Variants in DLGAP2 observed in about 807,000 individuals in gnomAD.
DLGAP2 encodes the protein disks large-associated protein 2.
In DLGAP2, 26 loss-of-function variants were observed where a neutral mutation model predicts 100.3. The ratio of observed to expected loss-of-function variants is 0.26; its 90% confidence interval spans 0.19 to 0.36. The LOEUF (loss-of-function observed/expected upper bound fraction) is 0.36. Ranked by LOEUF, DLGAP2 falls within the 10% of genes least tolerant of loss-of-function variation. The pLI is 1.00. For synonymous variants in DLGAP2, 886 were observed against 630.1 expected, an observed-to-expected ratio of 1.41 and a Z score of -6.08; for missense variants, 1,858 against 1,453.2, an observed-to-expected ratio of 1.28 and a Z score of -4.53.
chr8:1,033,959 C>T (rs577367267), intron 2 of DLGAP2, among the ~76,000 whole-genome samples: 1 of 126,126 alleles, frequency 7.9e-6, no homozygotes, highest in East Asian at 2.7e-4. Context: ...ACGCTCATCC[C>T]GACCCCGCGT....
intron 3 of DLGAP2, among the ~76,000 whole-genome samples, chr8:1,422,420 C>T (rs1333010747): frequency 3.3e-5 from 5 of 152,056 alleles, no homozygotes; most frequent in South Asian, 4.1e-4. Flanking sequence ...GGGAGAAAAG[C>T]GAAGATGGCC....
intron 1 of DLGAP2, among the ~76,000 whole-genome samples, chr8:862,974 G>A (rs1035516978): frequency 6.6e-6 from 1 of 152,226 alleles, no homozygotes; most frequent in Non-Finnish European, 1.5e-5. Context: ...ATCTGAGTCA[G>A]TTTGTGTCTC....
chr8:906,200 T>C (rs1279925179), intron 1 of DLGAP2, among the ~76,000 whole-genome samples: 1 of 152,236 alleles, frequency 6.6e-6, no homozygotes, highest in Admixed American at 6.5e-5. Flanking sequence ...AGGTGGTGTC[T>C]GCAGCTGACT....
At chr8:1,506,835 C>A (rs1040465368) in intron 4 of DLGAP2, among the ~76,000 whole-genome samples, 2 of 152,080 alleles carry the variant, frequency 1.3e-5, no homozygotes, top group Non-Finnish European at 2.9e-5. Flanking sequence ...TTTTCCAAGT[C>A]CCCACTAGAT....
At chr8:1,053,317 G>A (rs948701979) in intron 2 of DLGAP2, among the ~76,000 whole-genome samples, 1 of 152,060 alleles carries the variant, frequency 6.6e-6, no homozygotes, top group Non-Finnish European at 1.5e-5. Flanking sequence ...TTCATAAGAT[G>A]GTTATAAAGT....
chr8:863,699 G>C (rs78883513), intron 1 of DLGAP2, among the ~76,000 whole-genome samples: 16,351 of 152,230 alleles, frequency 0.11, 1,306 homozygotes, highest in Admixed American at 0.26. Flanking sequence ...CTGTTCGACT[G>C]GCTTTCACCA....
chr8:1,360,379 C>T (rs139516710), intron 3 of DLGAP2, among the ~76,000 whole-genome samples: 2,142 of 152,126 alleles, frequency 0.014, 19 homozygotes, highest in Non-Finnish European at 0.022. Flanking sequence ...AGAGGCTTTG[C>T]GCTGCGTCTG....
intron 2 of DLGAP2, among the ~76,000 whole-genome samples, chr8:1,252,306 G>T (rs919476004): frequency 3.3e-5 from 5 of 150,140 alleles, no homozygotes; most frequent in African/African-American, 9.9e-5. Flanking sequence ...GTGTTGTCAT[G>T]TGGGTGTGTT....
Position 1,697,259 on chromosome 8 carries a change from G to T in DLGAP2, c.2909G>T (p.Arg970Leu). 6.2e-7 allele frequency: 1 copy of T among 1,610,466 alleles called. No homozygotes were observed. The highest frequency in any genetic ancestry group is 8.5e-7 in the Non-Finnish European group (1 of 1,177,948). Residue 970 changes from arginine to leucine, a missense_variant, in exon 14 of 15, where the codon CGG (arginine) becomes CTG (leucine). Arg to Leu is a moderately radical substitution (Grantham distance 102). Coordinates refer to ENST00000637795, the MANE Select transcript of DLGAP2 (RefSeq NM_001346810.2). ...SMKFDELQRL[R>L]LNDWKMMESP... is the part of the protein sequence containing the mutation. ...AAGTTCGACGAGCTGCAGCGGCTGC[G>T]GCTCAACGACTGGAAGATGATGGAG...
chr8:906,653 C>T (rs956086198), intron 1 of DLGAP2, among the ~76,000 whole-genome samples: 2 of 152,150 alleles, frequency 1.3e-5, no homozygotes, highest in African/African-American at 4.8e-5. Flanking sequence ...ACAGCTTCCA[C>T]GTGGCACGGG....
chr8:944,823 GTAA>G (rs1799278383), intron 2 of DLGAP2, among the ~76,000 whole-genome samples: 1 of 150,174 alleles, frequency 6.7e-6, no homozygotes, highest in East Asian at 2.0e-4. Context: ...CCAGTGGGTG[GTAA>G]TGATCCCTGC....
chr8:1,164,249 GCC>G (rs369295349), intron 2 of DLGAP2, among the ~76,000 whole-genome samples: 2,402 of 19,864 alleles, frequency 0.12, 1 homozygote, highest in African/African-American at 0.19. Context: ...TTTTCTGTGA[GCC>G]CCCCCAGGGC....
chr8:1,663,673 G>T (rs903508507), intron 8 of DLGAP2, among the ~76,000 whole-genome samples: 4 of 152,146 alleles, frequency 2.6e-5, no homozygotes, highest in African/African-American at 9.7e-5. Flanking sequence ...GGGAGGTTTG[G>T]TCTGACAGCT....
intron 3 of DLGAP2, among the ~76,000 whole-genome samples, chr8:1,392,783 G>A (rs751569519): frequency 6.8e-6 from 1 of 147,084 alleles, no homozygotes; most frequent in Non-Finnish European, 1.5e-5. Flanking sequence ...TCTTTCTTCG[G>A]GATAATTGCA....
At chr8:1,523,039 A>T (rs1048835536) in intron 4 of DLGAP2, among the ~76,000 whole-genome samples, 4 of 152,214 alleles carry the variant, frequency 2.6e-5, no homozygotes, top group African/African-American at 9.6e-5. Flanking sequence ...ACTGGTCAGA[A>T]CCAGCAGCAC....
At chr8:1,146,252 C>A (rs936822904) in intron 2 of DLGAP2, among the ~76,000 whole-genome samples, 1 of 152,204 alleles carries the variant, frequency 6.6e-6, no homozygotes, top group Non-Finnish European at 1.5e-5. Flanking sequence ...AACGTCTTTT[C>A]TTTATCTGCC....
chr8:1,388,306 C>G (rs1414762524), intron 3 of DLGAP2, among the ~76,000 whole-genome samples: 1 of 86,388 alleles, frequency 1.2e-5, no homozygotes, highest in East Asian at 7.0e-4. Flanking sequence ...AGGCAGATGC[C>G]GTGGATGAGG....
intron 6 of DLGAP2, among the ~76,000 whole-genome samples, chr8:1,574,437 CG>C (rs1348932023): frequency 1.3e-5 from 2 of 152,066 alleles, no homozygotes; most frequent in Non-Finnish European, 2.9e-5. Context: ...GTCACACCAC[CG>C]GAAGTCAACT....
chr8:1,165,378 G>C lies in DLGAP2; in HGVS notation c.74-93473G>C, dbSNP rs367827839. Among the ~76,000 whole-genome samples the C allele has an allele frequency of 1.4e-4, 22 of 152,338 alleles. No homozygotes were observed. The East Asian group carries it at 2.7e-3, about 19-fold the overall frequency. On this transcript the variant is annotated intron_variant, in intron 2 of 14. Transcript: ENST00000637795. ...CATCGGCCGTTGGCTACCAAGCGCT[G>C]GCACAGCCGGGCTCGGGTCTTAGGG...
Sources: gnomAD v4.1 joint callset for allele counts (sites outside exome capture counted in the v4.1 genomes callset) on GRCh38, gnomAD v4.1.1 for gene constraint, MANE v1.5 for transcripts, NCBI Gene and HGNC (gene_info 2026-07-23, HGNC 2026-07-21) for gene names.